The following ARHGEF7 variants were observed in gnomAD, a reference collection of about 807,000 sequenced individuals.
ARHGEF7 encodes the protein PAK-interacting exchange factor beta.
Under a neutral mutation model 109.8 loss-of-function variants are expected in ARHGEF7, and 33 were observed. The ratio of observed to expected loss-of-function variants is 0.30; its 90% confidence interval spans 0.23 to 0.40. The LOEUF is 0.40. Ranked by LOEUF, ARHGEF7 falls within the 10% of genes least tolerant of loss-of-function variation. The probability of loss-of-function intolerance (pLI) is 1.00; values close to 1 mark genes in which losing one functional copy is unlikely to be tolerated. For synonymous variants in ARHGEF7, 458 were observed against 424.6 expected, an observed-to-expected ratio of 1.08 and a Z score of -0.97; for missense variants, 938 against 1,098.5, an observed-to-expected ratio of 0.85 and a Z score of 2.07.
intron 19 of ARHGEF7, among the ~76,000 whole-genome samples, chr13:111,300,469 G>T (rs190524598): frequency 4.5e-4 from 69 of 152,220 alleles, no homozygotes; most frequent in Admixed American, 4.1e-3. Context: ...CTTCCTCCCT[G>T]TTGAAAATGC....
intron 8 of ARHGEF7, among the ~76,000 whole-genome samples, chr13:111,264,155 C>A (rs2091382946): frequency 6.6e-6 from 1 of 152,118 alleles, no homozygotes; most frequent in African/African-American, 2.4e-5. Flanking sequence ...AACAGTAAAG[C>A]ACCATAATAA....
chr13:111,189,669 T>A (rs953868215), intron 2 of ARHGEF7, among the ~76,000 whole-genome samples: 2 of 152,154 alleles, frequency 1.3e-5, no homozygotes, highest in Non-Finnish European at 2.9e-5. Flanking sequence ...CAGCTTTTAT[T>A]CCCTTATTTG....
intron 15 of ARHGEF7, chr13:111,281,208 T>TTTA (rs2092762923): frequency 7.6e-6 from 1 of 131,986 alleles, no homozygotes; most frequent in South Asian, 2.5e-4. Context: ...TTTTTTTTTT[T>TTTA]TACAACTTTT....
intron 1 of ARHGEF7, 40 bp downstream of exon 1, chr13:111,115,731 C>G (rs748056712): frequency 3.7e-6 from 4 of 1,083,622 alleles, no homozygotes; most frequent in Non-Finnish European, 3.4e-6. Flanking sequence ...CCCCCCGGTC[C>G]GGCCCGCTGC....
At chr13:111,159,135 G>GT in intron 2 of ARHGEF7, 1 of 713,166 alleles carries the variant, frequency 1.4e-6, no homozygotes, top group South Asian at 1.5e-5. Context: ...AGATCGTGCA[G>GT]TATTTGTCTT....
chr13:111,160,334 G>T (rs1434074590), intron 2 of ARHGEF7, among the ~76,000 whole-genome samples: 13 of 143,816 alleles, frequency 9.0e-5, no homozygotes, highest in South Asian at 4.5e-4. Flanking sequence ...AGTTATTGGG[G>T]TTTTTTTTTT....
At chr13:111,125,032 T>G (rs1253248594) in intron 1 of ARHGEF7, among the ~76,000 whole-genome samples, 1 of 152,180 alleles carries the variant, frequency 6.6e-6, no homozygotes. Context: ...AGTGCTGGGA[T>G]TACAGGTGTG....
intron 1 of ARHGEF7, among the ~76,000 whole-genome samples, chr13:111,133,812 T>TATATATATAATAA (rs1555341569): frequency 1.6e-5 from 1 of 62,568 alleles, no homozygotes; most frequent in African/African-American, 8.1e-5. Flanking sequence ...TATATATATA[T>TATATATATAATAA]ATTTATTATA....
At chr13:111,204,321 T>C (rs1232308170) in intron 2 of ARHGEF7, among the ~76,000 whole-genome samples, 3 of 152,198 alleles carry the variant, frequency 2.0e-5, no homozygotes, top group Non-Finnish European at 4.4e-5. Flanking sequence ...TTAGAACATA[T>C]GGCAACAGGA....
rs1237519231 is a variant in ARHGEF7, at chr13:111,239,961, T to C, written c.760-3911T>C. Among the ~76,000 whole-genome samples, 1 of 152,172 alleles carries C rather than the reference T, an allele frequency of 6.6e-6. No individual in the cohort carries two copies. Among genetic ancestry groups the C allele is most frequent in the Non-Finnish European group, 1.5e-5 (1 of 68,032 alleles). ...AAGCAGCTCCAAGTAAGACTCTACA[T>C]TGGGCTGGAAGGTCGAAGGGTGACT... On this transcript the variant is annotated intron_variant, in intron 6 of 21. Transcript: ENST00000646102. This position sits in a 1 kb window ranked among gnomAD's most constrained non-coding sequence, Gnocchi z 4.3.
At position 111,155,985 on chromosome 13, in the gene ARHGEF7, T is replaced by C. The variant is rs549991839; in HGVS notation, c.252+1994T>C. On this transcript the variant is annotated intron_variant, in intron 2 of 21. Coordinates refer to ENST00000646102, the MANE Select transcript of ARHGEF7 (RefSeq NM_001354046.2). ...CTGTAGTTCCAGTTACTCAGGTGGC[T>C]GAGACAGGAGAATCCCTTGAACCCC... Among the ~76,000 whole-genome samples the C allele has an allele frequency of 2.7e-5, 4 of 150,804 alleles. No homozygotes were observed. In the East Asian group the frequency reaches 7.8e-4, roughly 29 times the overall value.
At chr13:111,173,959 A>G (rs553701948) in intron 2 of ARHGEF7, among the ~76,000 whole-genome samples, 7 of 152,158 alleles carry the variant, frequency 4.6e-5, no homozygotes, top group Admixed American at 1.3e-4. Flanking sequence ...TAAAAAATTT[A>G]CTTAATTTTC....
chr13:111,227,699 C>T (rs1234813206), intron 5 of ARHGEF7, among the ~76,000 whole-genome samples: 1 of 152,208 alleles, frequency 6.6e-6, no homozygotes, highest in Admixed American at 6.5e-5. Flanking sequence ...TACCTTCTTC[C>T]TCCTACTTTC....
rs1414886452 is a variant in ARHGEF7, at chr13:111,275,571, C to T, written c.1312C>T (p.Leu438=). The change falls in exon 12 of 22, where the codon CTG becomes TTG. Residue 438 remains leucine, a synonymous_variant. Transcript: ENST00000646102. ...QEVRKRKELE[L]QILTEAIRNW... ...AGTCCGGAAGAGGAAAGAGCTTGAG[C>T]TGCAGATCCTGACGGAAGCCATCCG... The T allele has an allele frequency of 7.4e-6, 12 of 1,613,990 alleles. No homozygotes were observed. Among genetic ancestry groups the T allele is most frequent in the Middle Eastern group, 1.6e-4 (1 of 6,074 alleles).
chr13:111,253,562 G>A (rs560753688), intron 8 of ARHGEF7, among the ~76,000 whole-genome samples: 2 of 152,240 alleles, frequency 1.3e-5, no homozygotes, highest in African/African-American at 4.8e-5. Context: ...AGATGCCAGC[G>A]CATGGGCTGG....
chr13:111,190,399 A>G (rs187252444), intron 2 of ARHGEF7, among the ~76,000 whole-genome samples: 2 of 151,342 alleles, frequency 1.3e-5, no homozygotes, highest in African/African-American at 2.4e-5. Context: ...TAAAAACAAC[A>G]CTCTTCCCCT....
chr13:111,157,360 C>T lies in ARHGEF7; in HGVS notation c.252+3369C>T, dbSNP rs185871614. Among the ~76,000 whole-genome samples, 467 of 151,406 alleles carry T rather than the reference C, an allele frequency of 3.1e-3. 2 individuals carry two copies. The highest frequency in any genetic ancestry group is 6.8e-3 in the Middle Eastern group (2 of 294). The stretch of plus-strand genomic sequence containing the variant: ...ATTTCTATTTGTATCTCAAAAGCAA[C>T]CAAAATAATAATTATTAATAAGAAT... On this transcript the variant is annotated intron_variant, in intron 2 of 21. Transcript: ENST00000646102.
In ARHGEF7 at chr13:111,283,323, C is replaced by T. The variant is rs368372361; in HGVS notation, c.1910C>T (p.Ala637Val). The T allele has an allele frequency of 4.5e-6, 7 of 1,560,664 alleles. No individual in the cohort carries two copies. The highest frequency in any genetic ancestry group is 6.0e-6 in the Non-Finnish European group (7 of 1,157,148). ...KPWSLSCLRPAPPLRPSAALC... is the reference protein window; with the variant it reads ...KPWSLSCLRPVPPLRPSAALC... The stretch of plus-strand genomic sequence containing the variant: ...TGGAGCCTGAGCTGCCTGCGGCCCG[C>T]GCCTCCCCTCCGGCCCTCAGCTGCT... The change falls in exon 16 of 22, where the codon GCG (alanine) becomes GTG (valine). Residue 637 changes from alanine to valine, a missense_variant. Coordinates refer to ENST00000646102, the MANE Select transcript of ARHGEF7 (RefSeq NM_001354046.2).
intron 2 of ARHGEF7, among the ~76,000 whole-genome samples, chr13:111,174,278 T>C (rs1249017857): frequency 6.6e-6 from 1 of 152,206 alleles, no homozygotes; most frequent in African/African-American, 2.4e-5. Flanking sequence ...ATTTACTGAT[T>C]TTTACATTTA....
Sources: gnomAD v4.1 joint callset for allele counts (sites outside exome capture counted in the v4.1 genomes callset) on GRCh38, gnomAD v4.1.1 for gene constraint, Gnocchi (gnomAD v3.1) non-coding constraint, MANE v1.5 for transcripts, NCBI Gene and HGNC (gene_info 2026-07-23, HGNC 2026-07-21) for gene names.